Variants in WDR27 observed in about 807,000 individuals in gnomAD.
WDR27 encodes the protein WD repeat domain 27.
A neutral mutation model predicts 114.4 loss-of-function variants in WDR27; 100 were observed. That is an observed-to-expected ratio of 0.87 (90% CI 0.74 to 1.03). The LOEUF (loss-of-function observed/expected upper bound fraction) is 1.03, where lower values mean the gene tolerates loss of function less well. Ranked by LOEUF, WDR27 falls within the 50% of genes least tolerant of loss-of-function variation. The pLI is 0.00. For synonymous variants in WDR27, 449 were observed against 423.1 expected (o/e 1.06, Z -0.75); for missense variants, 1,129 against 1,092.9 (o/e 1.03, Z -0.47).
chr6:169,640,646 GC>G (rs1346860683), intron 17 of WDR27, among the ~76,000 whole-genome samples: 1 of 152,210 alleles, frequency 6.6e-6, no homozygotes, highest in Non-Finnish European at 1.5e-5. Context: ...CAAGAATATC[GC>G]AGGTTCACAG....
chr6:169,496,997 A>G (rs570602943), intron 25 of WDR27, among the ~76,000 whole-genome samples: 2 of 152,078 alleles, frequency 1.3e-5, no homozygotes, highest in African/African-American at 4.8e-5. Context: ...ATCTTGAAAA[A>G]GAACAAAACT....
Position 169,640,452 on chromosome 6 carries a change from G to C in WDR27, c.1748-1792C>G, listed in dbSNP as rs191391249. Among the ~76,000 whole-genome samples, 186 of 152,296 alleles carry C rather than the reference G, an allele frequency of 1.2e-3. 1 individual carries two copies. The highest frequency in any genetic ancestry group is 4.3e-3 in the African/African-American group (180 of 41,546). On this transcript the variant is annotated intron_variant, in intron 17 of 25. Transcript: ENST00000448612. ...AATAGCTTTGCTGCCCTCACGTGTA[G>C]AGTTCTGGCAGTTTTAGCAAAAGTA...
chr6:169,530,233 A>G (rs1795425765), intron 25 of WDR27, among the ~76,000 whole-genome samples: 1 of 152,238 alleles, frequency 6.6e-6, no homozygotes, highest in African/African-American at 2.4e-5. Context: ...AAAGCTATGA[A>G]CACAAACAGT....
chr6:169,459,956 G>A (rs1030443042), intron 25 of WDR27, among the ~76,000 whole-genome samples: 1 of 152,150 alleles, frequency 6.6e-6, no homozygotes, highest in South Asian at 2.1e-4. Flanking sequence ...CCAGAAATGT[G>A]TACGGGAGCC....
intron 14 of WDR27, 28 bp downstream of exon 14, chr6:169,651,902 T>C: frequency 1.2e-6 from 2 of 1,600,342 alleles, no homozygotes; most frequent in Non-Finnish European, 1.7e-6. Context: ...GGTGCATTTC[T>C]GTCTCTCATT....
chr6:169,429,212 C>T, the WDR27 span, among the ~76,000 whole-genome samples: 1 of 152,146 alleles, frequency 6.6e-6, no homozygotes, highest in Non-Finnish European at 1.5e-5. Flanking sequence ...GTCCACAGGC[C>T]TGAGGACCCA....
intron 22 of WDR27, among the ~76,000 whole-genome samples, chr6:169,603,774 T>G (rs1328005521): frequency 6.6e-6 from 1 of 152,254 alleles, no homozygotes; most frequent in East Asian, 1.9e-4. Context: ...ACCTCTGTGC[T>G]GCATTTTCCC....
intron 25 of WDR27, among the ~76,000 whole-genome samples, chr6:169,506,362 C>A (rs1021828735): frequency 6.6e-5 from 10 of 152,108 alleles, no homozygotes; most frequent in African/African-American, 2.4e-4. Context: ...CTGTTACATG[C>A]TGACAGAACT....
chr6:169,475,385 G>A (rs926554292), intron 25 of WDR27, among the ~76,000 whole-genome samples: 1 of 152,010 alleles, frequency 6.6e-6, no homozygotes, highest in African/African-American at 2.4e-5. Context: ...ACCATACCTG[G>A]CTAATTTTTG....
At chr6:169,565,411 C>T (rs1397135646) in intron 25 of WDR27, among the ~76,000 whole-genome samples, 1 of 152,092 alleles carries the variant, frequency 6.6e-6, no homozygotes, top group Non-Finnish European at 1.5e-5. Context: ...AACACTGCCC[C>T]GCATCTGGGA....
rs117693507 is a variant in WDR27 at position 169,496,639 on chromosome 6, T to C, written c.2646-39005A>G. 1.4e-3 allele frequency among the ~76,000 whole-genome samples: 206 copies of C among 152,158 alleles called. 4 individuals carry two copies. In the East Asian group the frequency reaches 0.032, roughly 24 times the overall value. ...GGCAAAACTCAATTGCGTTTGAATA[T>C]ACCAACCATCACCACTATGACAAGG... is the stretch of plus-strand genomic sequence containing the variant. On this transcript the variant is annotated intron_variant, in intron 25 of 25. Transcript: ENST00000448612.
At chr6:169,597,983 G>A (rs896378822) in intron 23 of WDR27, among the ~76,000 whole-genome samples, 8 of 150,276 alleles carry the variant, frequency 5.3e-5, no homozygotes, top group Non-Finnish European at 1.0e-4. Context: ...TTTAGAAATG[G>A]CAAACTCCTT....
intron 25 of WDR27, among the ~76,000 whole-genome samples, chr6:169,506,091 T>C (rs1459797101): frequency 2.0e-5 from 3 of 152,258 alleles, no homozygotes; most frequent in African/African-American, 4.8e-5. Flanking sequence ...AATGGAATTG[T>C]AATTTATTTA....
intron 2 of WDR27, among the ~76,000 whole-genome samples, chr6:169,676,667 C>T (rs902106276): frequency 7.2e-5 from 11 of 152,302 alleles, no homozygotes; most frequent in East Asian, 3.9e-4. Flanking sequence ...CTCCACGATC[C>T]GTTATCTTAA....
chr6:169,514,205 A>C (rs547891455), intron 25 of WDR27, among the ~76,000 whole-genome samples: 42 of 151,994 alleles, frequency 2.8e-4, no homozygotes, highest in South Asian at 2.7e-3. Context: ...ATGGTAGTTT[A>C]CATCTTTTTT....
Position 169,636,476 on chromosome 6 carries a change from T to A in WDR27, c.1898A>T (p.Gln633Leu), listed in dbSNP as rs182986174. ...LGKDMFSKPI[Q>L]SAQFYYIDAF... is the part of the protein sequence containing the mutation. ...ATCTATATAATAGAACTGTGCAGAC[T>A]GTATAGGTTTAGAAAACATGTCTTT... The change falls in exon 19 of 26, where the codon CAG (glutamine) becomes CTG (leucine). Residue 633 changes from glutamine (Q) to leucine (L), a missense_variant. By Grantham distance (113) the Gln-to-Leu change is moderately radical. Coordinates refer to ENST00000448612, the MANE Select transcript of WDR27 (RefSeq NM_182552.5). The A allele has an allele frequency of 6.2e-7, 1 of 1,612,454 alleles. No individual in the cohort carries two copies. The highest frequency in any genetic ancestry group is 8.5e-7 in the Non-Finnish European group (1 of 1,179,476).
chr6:169,678,272 A>G (rs1190133476), intron 2 of WDR27, among the ~76,000 whole-genome samples: 1 of 152,224 alleles, frequency 6.6e-6, no homozygotes, highest in African/African-American at 2.4e-5. Context: ...AGGCCTTGGG[A>G]GTCCACCCCT....
chr6:169,688,978 T>G lies in WDR27; in HGVS notation c.28A>C (p.Ser10Arg). The change falls in exon 2 of 26, where the codon AGT (serine) becomes CGT (arginine). Residue 10 changes from serine to arginine, a missense_variant. Coordinates refer to ENST00000448612, the MANE Select transcript of WDR27 (RefSeq NM_182552.5). Reference protein sequence around the residue: MENPQDIFSSNGGCLSDIVI... With the variant: MENPQDIFSRNGGCLSDIVI... ...ATATCACTTAGACAGCCACCATTAC[T>G]TGAGAAAATGTCTTGGGGATTTTCC... 6.2e-7 allele frequency: 1 copy of G among 1,612,992 alleles called. No individual in the cohort carries two copies. Among genetic ancestry groups the G allele is most frequent in the Non-Finnish European group, 8.5e-7 (1 of 1,179,578 alleles).
chr6:169,487,078 C>T (rs1204933150), intron 25 of WDR27, among the ~76,000 whole-genome samples: 1 of 152,170 alleles, frequency 6.6e-6, no homozygotes, highest in African/African-American at 2.4e-5. Flanking sequence ...CAGTGCCATT[C>T]ACCAGCCATG....
Sources: gnomAD v4.1 joint callset for allele counts (sites outside exome capture counted in the v4.1 genomes callset) on GRCh38, gnomAD v4.1.1 for gene constraint, MANE v1.5 for transcripts, NCBI Gene and HGNC (gene_info 2026-07-23, HGNC 2026-07-21) for gene names.